ZMYND8: variants seen among roughly 807,000 people sequenced by gnomAD.
The protein encoded by ZMYND8 is MYND-type zinc finger-containing chromatin reader ZMYND8.
Under a neutral mutation model 140.8 loss-of-function variants are expected in ZMYND8, and 37 were observed. The observed-to-expected ratio is 0.26, with a 90% CI of 0.20 to 0.35. The LOEUF (loss-of-function observed/expected upper bound fraction) is 0.35, where lower values mean the gene tolerates loss of function less well. Among genes scored for constraint, ZMYND8 ranks in the 10% least tolerant of loss-of-function variants. ZMYND8 has a pLI of 1.00. For missense variants in ZMYND8, 1,068 were observed against 1,570.0 expected (o/e 0.68, Z 5.40); for synonymous variants, 592 against 597.1 (o/e 0.99, Z 0.12).
intron 13 of ZMYND8, among the ~76,000 whole-genome samples, chr20:47,247,755 C>T (rs935274757): frequency 1.1e-4 from 16 of 152,118 alleles, no homozygotes; most frequent in African/African-American, 3.6e-4. Flanking sequence ...ATGAACAGCC[C>T]GGGGCATGGG....
intron 14 of ZMYND8, among the ~76,000 whole-genome samples, chr20:47,245,447 T>C (rs1260512142): frequency 6.6e-6 from 1 of 152,082 alleles, no homozygotes; most frequent in African/African-American, 2.4e-5. Context: ...GGTTTCACTA[T>C]GTAGGTCAAG....
chr20:47,304,467 A>G lies in ZMYND8; in HGVS notation c.235-5520T>C, dbSNP rs540658674. 2.6e-5 allele frequency among the ~76,000 whole-genome samples: 4 copies of G among 152,350 alleles called. No homozygotes were observed. In the East Asian group the frequency reaches 7.7e-4, roughly 29 times the overall value. ...TAGCTGTGTGCCAATAAAACTCTAT[A>G]AACACAGGCTTCAGGCAGCATCTAG... On this transcript the variant is annotated intron_variant, in intron 3 of 22. Transcript: ENST00000471951.
rs552727029 is a variant in ZMYND8, at chr20:47,346,927, T to C, written c.85+929A>G. ...GCGACACGCTGTCTTGTAACAATCC[T>C]CAAAATGCTTTTGGTTTCAGACGCC... On this transcript the variant is annotated intron_variant, in intron 2 of 22. Transcript: ENST00000471951. Among the ~76,000 whole-genome samples the C allele has an allele frequency of 2.6e-5, 4 of 152,290 alleles. No homozygotes were observed. The East Asian group carries it at 7.7e-4, about 29-fold the overall frequency.
At chr20:47,301,562 C>T (rs974345684) in intron 3 of ZMYND8, among the ~76,000 whole-genome samples, 9 of 151,914 alleles carry the variant, frequency 5.9e-5, no homozygotes, top group African/African-American at 2.2e-4. Context: ...TTTCATGTTA[C>T]ATTTTCAGCA....
chr20:47,227,457 T>C (rs1022966738), intron 17 of ZMYND8, among the ~76,000 whole-genome samples, 176 bp from the exon 18 acceptor site: 2 of 152,116 alleles, frequency 1.3e-5, no homozygotes, highest in Non-Finnish European at 2.9e-5. Context: ...GAAACACTGG[T>C]TCAGAAAACC....
chr20:47,344,389 G>A (rs1168046902), intron 2 of ZMYND8, among the ~76,000 whole-genome samples: 1 of 152,130 alleles, frequency 6.6e-6, no homozygotes, highest in Non-Finnish European at 1.5e-5. Flanking sequence ...CAGTTTACCA[G>A]AGTCTAATCA....
At chr20:47,266,442 G>A (rs1192290469) in intron 11 of ZMYND8, among the ~76,000 whole-genome samples, 2 of 151,946 alleles carry the variant, frequency 1.3e-5, no homozygotes, top group Non-Finnish European at 2.9e-5. Flanking sequence ...CACCACGCCC[G>A]GCTAATTTTT....
At chr20:47,285,574 A>G in intron 8 of ZMYND8, 1 of 657,982 alleles carries the variant, frequency 1.5e-6, no homozygotes, top group Non-Finnish European at 1.9e-6. Flanking sequence ...TACAACTCCC[A>G]ATATTGGAAA....
At chr20:47,221,876 A>C (rs1163719096) in intron 19 of ZMYND8, among the ~76,000 whole-genome samples, 2 of 152,188 alleles carry the variant, frequency 1.3e-5, no homozygotes, top group Admixed American at 6.5e-5. Context: ...CATGTTGGTC[A>C]AGCTGGTATT....
At chr20:47,245,625 T>G (rs2040476200) in intron 14 of ZMYND8, among the ~76,000 whole-genome samples, 1 of 152,224 alleles carries the variant, frequency 6.6e-6, no homozygotes, top group African/African-American at 2.4e-5. Context: ...AAGGACCATT[T>G]GACAAGATCC....
chr20:47,252,722 C>T (rs1218631669), intron 12 of ZMYND8, among the ~76,000 whole-genome samples: 1 of 152,094 alleles, frequency 6.6e-6, no homozygotes, highest in African/African-American at 2.4e-5. Context: ...CATTTGAGAC[C>T]AGCCTGGGCA....
chr20:47,224,071 T>G (rs1415016656), intron 19 of ZMYND8, among the ~76,000 whole-genome samples: 1 of 152,206 alleles, frequency 6.6e-6, no homozygotes, highest in African/African-American at 2.4e-5. Context: ...CTACTGACAC[T>G]TTAGGCCTGA....
intron 12 of ZMYND8, among the ~76,000 whole-genome samples, chr20:47,261,170 A>G (rs1569024547): frequency 6.6e-6 from 1 of 152,158 alleles, no homozygotes; most frequent in Non-Finnish European, 1.5e-5. Flanking sequence ...GCAGTGAGCC[A>G]AGATCACGCC....
chr20:47,318,607 G>A (rs1464329971), intron 2 of ZMYND8: 5 of 395,662 alleles, frequency 1.3e-5, no homozygotes, highest in Admixed American at 6.4e-5. Context: ...AATGAAAACC[G>A]CTCGCATTAG....
At chr20:47,245,944 G>A (rs1344350640) in intron 14 of ZMYND8, 64 bp downstream of exon 14, 3 of 1,520,924 alleles carry the variant, frequency 2.0e-6, no homozygotes, top group African/African-American at 1.4e-5. Flanking sequence ...ACTTTTGATA[G>A]TAAGTGTACG....
At chr20:47,243,772 CAGAA>C (rs543112252) in intron 14 of ZMYND8, among the ~76,000 whole-genome samples, 58 of 152,212 alleles carry the variant, frequency 3.8e-4, no homozygotes, top group Middle Eastern at 3.4e-3. Flanking sequence ...AGATCTGTTC[CAGAA>C]AGAAAGAACA....
intron 16 of ZMYND8, among the ~76,000 whole-genome samples, chr20:47,234,090 C>T (rs963664566): frequency 4.6e-5 from 7 of 152,204 alleles, no homozygotes; most frequent in Non-Finnish European, 8.8e-5. Flanking sequence ...GCTTTGTAGC[C>T]CAGGCTGGAG....
chr20:47,285,271 T>C (rs1193177884), intron 8 of ZMYND8, among the ~76,000 whole-genome samples: 2 of 152,228 alleles, frequency 1.3e-5, no homozygotes, highest in East Asian at 1.9e-4. Flanking sequence ...TTAACTCTTA[T>C]CATGCAAGGT....
intron 14 of ZMYND8, among the ~76,000 whole-genome samples, chr20:47,241,065 G>A (rs1201243788): frequency 6.6e-6 from 1 of 151,882 alleles, no homozygotes; most frequent in Non-Finnish European, 1.5e-5. Context: ...GGAGGCCGAG[G>A]CGGGCAGATC....
Sources: allele counts gnomAD v4.1 joint callset (sites outside exome capture counted in the v4.1 genomes callset), GRCh38; gene constraint gnomAD v4.1.1; transcripts MANE v1.5; gene names NCBI Gene and HGNC (gene_info 2026-07-23, HGNC 2026-07-21).